Variants in ZNF423 observed in about 807,000 individuals in gnomAD.
The protein encoded by ZNF423 is Ebf-associated zinc finger protein.
In ZNF423, 12 loss-of-function variants were observed where a neutral mutation model predicts 95.8. That is an observed-to-expected ratio of 0.13 (90% confidence interval 0.08 to 0.20). The LOEUF is 0.20. Ranked by LOEUF, ZNF423 falls within the 10% of genes least tolerant of loss-of-function variation. The pLI is 1.00. For synonymous variants in ZNF423, 749 were observed against 711.9 expected, an observed-to-expected ratio of 1.05 and a Z score of -0.83; for missense variants, 1,316 against 1,737.1, an observed-to-expected ratio of 0.76 and a Z score of 4.31.
chr16:49,572,060 A>G (rs1277277180), intron 5 of ZNF423, among the ~76,000 whole-genome samples: 1 of 152,214 alleles, frequency 6.6e-6, no homozygotes, highest in African/African-American at 2.4e-5. Context: ...GTCAGACCCC[A>G]GTAGCCCTTT....
intron 1 of ZNF423, among the ~76,000 whole-genome samples, chr16:49,814,610 A>G (rs1199137527): frequency 6.6e-6 from 1 of 151,950 alleles, no homozygotes; most frequent in Non-Finnish European, 1.5e-5. Flanking sequence ...AATTACTCCA[A>G]TCCTCCAAGG....
chr16:49,651,697 C>A (rs1973411224), intron 3 of ZNF423, among the ~76,000 whole-genome samples: 1 of 152,190 alleles, frequency 6.6e-6, no homozygotes, highest in East Asian at 1.9e-4. Context: ...AAGATGAAAT[C>A]AGTGAATATC....
chr16:49,844,438 A>G (rs1354265396), intron 1 of ZNF423, among the ~76,000 whole-genome samples: 1 of 152,196 alleles, frequency 6.6e-6, no homozygotes, highest in Non-Finnish European at 1.5e-5. Flanking sequence ...CTGAGTATGA[A>G]GGAGAACCGG....
chr16:49,826,435 T>C (rs1252719237), intron 1 of ZNF423, among the ~76,000 whole-genome samples: 1 of 152,242 alleles, frequency 6.6e-6, no homozygotes, highest in South Asian at 2.1e-4. Context: ...TCAGGCTGGA[T>C]TGATTCATGG....
At chr16:49,770,450 G>A (rs888476645) in intron 2 of ZNF423, among the ~76,000 whole-genome samples, 4 of 152,160 alleles carry the variant, frequency 2.6e-5, no homozygotes, top group Admixed American at 2.6e-4. Flanking sequence ...AGTAGGGGAG[G>A]GAGAGAACCT....
At chr16:49,500,428 C>T (rs370723528) in intron 7 of ZNF423, among the ~76,000 whole-genome samples, 12 of 152,316 alleles carry the variant, frequency 7.9e-5, no homozygotes, top group East Asian at 7.7e-4. Context: ...CAGCAGCCTG[C>T]TTGAAACCAG....
intron 5 of ZNF423, among the ~76,000 whole-genome samples, chr16:49,624,353 C>A (rs1972186239): frequency 6.6e-6 from 1 of 152,068 alleles, no homozygotes; most frequent in African/African-American, 2.4e-5. Context: ...GAGTTTGAGA[C>A]CAGCCTGGCC....
intron 2 of ZNF423, among the ~76,000 whole-genome samples, chr16:49,740,921 G>C (rs1200056091): frequency 1.3e-5 from 2 of 152,198 alleles, no homozygotes; most frequent in African/African-American, 4.8e-5. Context: ...CAATTCCTTT[G>C]TATCTTTCGC....
chr16:49,837,813 A>C (rs2035136668), intron 1 of ZNF423, among the ~76,000 whole-genome samples: 1 of 152,212 alleles, frequency 6.6e-6, no homozygotes, highest in Non-Finnish European at 1.5e-5. Context: ...AGAGGAGACT[A>C]GCCACTGTCC....
At chr16:49,539,092 C>T (rs1969158625) in intron 5 of ZNF423, among the ~76,000 whole-genome samples, 2 of 151,368 alleles carry the variant, frequency 1.3e-5, no homozygotes, top group Admixed American at 1.3e-4. Flanking sequence ...ATAGACCATG[C>T]CCTTCAGTGG....
chr16:49,595,989 C>A (rs1192039370), intron 5 of ZNF423, among the ~76,000 whole-genome samples: 1 of 151,976 alleles, frequency 6.6e-6, no homozygotes, highest in Non-Finnish European at 1.5e-5. Flanking sequence ...TTATTAAAAT[C>A]TTAAAAAGGT....
intron 3 of ZNF423, among the ~76,000 whole-genome samples, chr16:49,695,943 C>T (rs1567295907): frequency 6.6e-6 from 1 of 152,162 alleles, no homozygotes; most frequent in Non-Finnish European, 1.5e-5. Flanking sequence ...ATTATTATCC[C>T]CATTTTATAG....
rs1157385778 is a variant in ZNF423, at chr16:49,491,263, T to C, written c.*12A>G. On this transcript the variant is annotated 3_prime_UTR_variant, in exon 8 of 8. Coordinates refer to ENST00000563137, the MANE Select transcript of ZNF423 (RefSeq NM_001379286.1). ...AAGCCTTCTGCGGAGAGGTGTCCTG[T>C]TGAGCGATCCCTCACTGTGCGTGCT... 1.9e-6 allele frequency: 3 copies of C among 1,614,136 alleles called. No individual in the cohort carries two copies. The highest frequency in any genetic ancestry group is 1.6e-4 in the Middle Eastern group (1 of 6,062).
At chr16:49,783,353 G>C (rs958812251) in intron 2 of ZNF423, among the ~76,000 whole-genome samples, 1 of 150,638 alleles carries the variant, frequency 6.6e-6, no homozygotes, top group Non-Finnish European at 1.5e-5. Flanking sequence ...TTACAGTTAG[G>C]GTTAGGGTTA....
At chr16:49,656,692 T>C (rs1359887649) in intron 3 of ZNF423, among the ~76,000 whole-genome samples, 1 of 152,194 alleles carries the variant, frequency 6.6e-6, no homozygotes, top group Non-Finnish European at 1.5e-5. Flanking sequence ...TATCATACAT[T>C]GCATATGTAC....
chr16:49,609,468 T>A (rs976982319), intron 5 of ZNF423, among the ~76,000 whole-genome samples: 1 of 151,938 alleles, frequency 6.6e-6, no homozygotes, highest in Non-Finnish European at 1.5e-5. Flanking sequence ...ACAATTATGA[T>A]CATCCTTGAA....
intron 5 of ZNF423, among the ~76,000 whole-genome samples, chr16:49,560,921 C>T (rs536058755): frequency 1.1e-4 from 17 of 152,186 alleles, no homozygotes; most frequent in Admixed American, 2.0e-4. Context: ...ATAAAGTCAC[C>T]GTGTTTCCAG....
At chr16:49,650,533 T>C (rs934916322) in intron 3 of ZNF423, among the ~76,000 whole-genome samples, 1 of 152,212 alleles carries the variant, frequency 6.6e-6, no homozygotes, top group Non-Finnish European at 1.5e-5. Flanking sequence ...ACACCCATTA[T>C]CCATTTGACA....
intron 2 of ZNF423, among the ~76,000 whole-genome samples, chr16:49,741,209 T>C (rs1423392167): frequency 7.0e-6 from 1 of 142,338 alleles, no homozygotes; most frequent in Non-Finnish European, 1.5e-5. Flanking sequence ...TTTTTTTTTT[T>C]AAAGAAGAAA....
Sources: gnomAD v4.1 joint callset for allele counts (sites outside exome capture counted in the v4.1 genomes callset) on GRCh38, gnomAD v4.1.1 for gene constraint, MANE v1.5 for transcripts, NCBI Gene and HGNC (gene_info 2026-07-23, HGNC 2026-07-21) for gene names.